The following TENM4 variants were observed in gnomAD, a reference collection of about 807,000 sequenced individuals.
TENM4 encodes teneurin transmembrane protein 4, also known as teneurin-4.
In TENM4, 82 loss-of-function variants were observed where a neutral mutation model predicts 243.3. The ratio of observed to expected loss-of-function variants is 0.34; its 90% confidence interval spans 0.28 to 0.40. The LOEUF is 0.40. TENM4 is among the 10% of genes least tolerant of loss of function. The pLI is 1.00. For synonymous variants in TENM4, 1,412 were observed against 1,456.3 expected (o/e 0.97, Z 0.69); for missense variants, 3,138 against 3,673.3 (o/e 0.85, Z 3.77).
chr11:79,120,682 A>C, intron 4 of TENM4, among the ~76,000 whole-genome samples: 1 of 152,236 alleles, frequency 6.6e-6, no homozygotes, highest in South Asian at 2.1e-4. Flanking sequence ...CCAACAATAA[A>C]AGTGAAAAAT....
intron 1 of TENM4, among the ~76,000 whole-genome samples, chr11:79,307,393 C>G (rs1050748057): frequency 5.3e-5 from 8 of 152,182 alleles, no homozygotes; most frequent in Admixed American, 2.0e-4. Flanking sequence ...AAACCTAGGT[C>G]ACTCCTGACA....
chr11:79,366,567 G>A (rs1023380602), intron 1 of TENM4, among the ~76,000 whole-genome samples: 1 of 152,156 alleles, frequency 6.6e-6, no homozygotes, highest in Non-Finnish European at 1.5e-5. Flanking sequence ...TCTGCTTCAG[G>A]AGCAATTCAT....
At chr11:79,204,810 G>A (rs186197024) in intron 3 of TENM4, among the ~76,000 whole-genome samples, 74 of 152,244 alleles carry the variant, frequency 4.9e-4, no homozygotes, top group East Asian at 3.9e-3. Flanking sequence ...AACACGGCTC[G>A]TGCTGGATGA....
At chr11:79,200,275 G>C (rs923513948) in intron 3 of TENM4, among the ~76,000 whole-genome samples, 2 of 152,232 alleles carry the variant, frequency 1.3e-5, no homozygotes, top group African/African-American at 4.8e-5. Flanking sequence ...GAAGGACCCA[G>C]AGGCAGGGCA....
At chr11:79,073,864 T>C (rs1187220725) in intron 4 of TENM4, among the ~76,000 whole-genome samples, 1 of 152,226 alleles carries the variant, frequency 6.6e-6, no homozygotes, top group Non-Finnish European at 1.5e-5. Context: ...ATTTTCTGTT[T>C]AAAAGGCATA....
chr11:79,380,925 C>T (rs188587830), intron 1 of TENM4, among the ~76,000 whole-genome samples: 167 of 152,252 alleles, frequency 1.1e-3, no homozygotes, highest in African/African-American at 3.7e-3. Flanking sequence ...AAGCCATTCT[C>T]AATCTTGGTT....
At chr11:78,774,745 C>T (rs1174202484) in intron 17 of TENM4, among the ~76,000 whole-genome samples, 7 of 152,126 alleles carry the variant, frequency 4.6e-5, no homozygotes, top group African/African-American at 1.7e-4. Flanking sequence ...TGAGATGATC[C>T]ATTAGGTCCT....
At chr11:78,700,893 C>T (rs1859085668) in intron 28 of TENM4, among the ~76,000 whole-genome samples, 1 of 152,136 alleles carries the variant, frequency 6.6e-6, no homozygotes, top group African/African-American at 2.4e-5. Context: ...TTCCCTACTT[C>T]CTGAAAGCTC....
At chr11:79,141,356 T>G (rs1374710153) in intron 4 of TENM4, among the ~76,000 whole-genome samples, 3 of 152,062 alleles carry the variant, frequency 2.0e-5, no homozygotes, top group Non-Finnish European at 4.4e-5. Context: ...GAGACTACTA[T>G]GAGCAACTGT....
intron 1 of TENM4, among the ~76,000 whole-genome samples, chr11:79,309,690 A>G (rs1395330170): frequency 6.6e-6 from 1 of 152,228 alleles, no homozygotes; most frequent in Non-Finnish European, 1.5e-5. Flanking sequence ...ATAGACTTAG[A>G]GAATCGTGGC....
rs551490622 is a variant in TENM4, at chr11:78,947,881, G to A, written c.494-44358C>T. Among the ~76,000 whole-genome samples, 70 of 152,214 alleles carry A rather than the reference G, an allele frequency of 4.6e-4. 1 individual carries two copies. Among genetic ancestry groups the A allele is most frequent in the South Asian group, 2.1e-4 (1 of 4,828 alleles). On this transcript the variant is annotated intron_variant, in intron 6 of 33. Transcript: ENST00000278550. ...GTTTTATCACAACTGCCAAACCATCGGTTCTCTGTAAAGGTTTGGAGGGGT... is the reference window on the plus strand; with the variant it reads ...GTTTTATCACAACTGCCAAACCATCAGTTCTCTGTAAAGGTTTGGAGGGGT...
At chr11:78,708,941 A>ATCATTTTT (rs138913311) in intron 26 of TENM4, among the ~76,000 whole-genome samples, 2 of 147,460 alleles carry the variant, frequency 1.4e-5, no homozygotes, top group Non-Finnish European at 3.0e-5. Flanking sequence ...CTTTTTGGTA[A>ATCATTTTT]CCATTTTTCT....
intron 1 of TENM4, among the ~76,000 whole-genome samples, chr11:79,330,942 G>A (rs1857051931): frequency 6.6e-6 from 1 of 152,154 alleles, no homozygotes; most frequent in Admixed American, 6.5e-5. Flanking sequence ...GGCCATCCCT[G>A]CCTCACCAAG....
chr11:78,808,280 C>G (rs514630), intron 14 of TENM4, among the ~76,000 whole-genome samples: 113,461 of 152,080 alleles, frequency 0.75, 43,596 homozygotes, highest in Non-Finnish European at 0.85. Context: ...AGGTGTTCAA[C>G]CTAATAACCT....
rs564988693 is a variant in TENM4, at chr11:79,162,039, G to C, written c.-162-13233C>G. Among the ~76,000 whole-genome samples, 22 of 152,302 alleles carry C rather than the reference G, an allele frequency of 1.4e-4. No individual in the cohort carries two copies. The South Asian group carries it at 3.9e-3, about 27-fold the overall frequency. The stretch of plus-strand genomic sequence containing the variant: ...GGACCTGCCTCACCCAGTACCCCCT[G>C]TATGGCCTATGAAGTGGCCTATGGA... On this transcript the variant is annotated intron_variant, in intron 3 of 33. Transcript: ENST00000278550.
chr11:78,843,448 C>T (rs1384116212), intron 12 of TENM4, among the ~76,000 whole-genome samples: 4 of 152,024 alleles, frequency 2.6e-5, no homozygotes, highest in Non-Finnish European at 4.4e-5. Context: ...GATTGTGCCA[C>T]TGGACTCCAG....
At chr11:78,818,978 T>A (rs1297185009) in intron 12 of TENM4, among the ~76,000 whole-genome samples, 1 of 148,252 alleles carries the variant, frequency 6.7e-6, no homozygotes, top group African/African-American at 2.5e-5. Context: ...AAAAAAAAAA[T>A]ACATGATTTT....
At position 79,005,668 on chromosome 11, in the gene TENM4, C is replaced by A. The variant is rs373105964; in HGVS notation, c.493+59070G>T. On this transcript the variant is annotated intron_variant, in intron 6 of 33. Coordinates refer to ENST00000278550, the MANE Select transcript of TENM4 (RefSeq NM_001098816.3). ...GAATGGGCAAAAACTTGAAGCATTT[C>A]CCCTGAGAGCAAGAAAAAGAAAAGG... is the stretch of plus-strand genomic sequence containing the variant. Among the ~76,000 whole-genome samples, 53 of 152,228 alleles carry A rather than the reference C, an allele frequency of 3.5e-4. No individual in the cohort carries two copies. The South Asian group carries it at 5.8e-3, about 17-fold the overall frequency.
intron 21 of TENM4, among the ~76,000 whole-genome samples, chr11:78,730,468 A>C (rs549222324): frequency 9.9e-5 from 15 of 152,266 alleles, no homozygotes; most frequent in African/African-American, 3.4e-4. Context: ...GACTGGCTGC[A>C]CGGAGCTTCT....
Sources: gnomAD v4.1 joint callset for allele counts (sites outside exome capture counted in the v4.1 genomes callset) on GRCh38, gnomAD v4.1.1 for gene constraint, MANE v1.5 for transcripts, NCBI Gene and HGNC (gene_info 2026-07-23, HGNC 2026-07-21) for gene names.